TENM3: variants seen among roughly 807,000 people sequenced by gnomAD.
The protein encoded by TENM3 is teneurin transmembrane protein 3.
Under a neutral mutation model 255.1 loss-of-function variants are expected in TENM3, and 63 were observed. The observed-to-expected ratio is 0.25, with a 90% confidence interval of 0.20 to 0.30. The LOEUF (loss-of-function observed/expected upper bound fraction) is 0.30. Among genes scored for constraint, TENM3 ranks in the 10% least tolerant of loss-of-function variants. TENM3 has a pLI of 1.00. For missense variants in TENM3, 2,929 were observed against 3,461.1 expected, an observed-to-expected ratio of 0.85 and a Z score of 3.86; for synonymous variants, 1,306 against 1,322.3, an observed-to-expected ratio of 0.99 and a Z score of 0.27.
At chr4:182,726,959 A>C (rs1760247098) in intron 13 of TENM3, among the ~76,000 whole-genome samples, 1 of 152,092 alleles carries the variant, frequency 6.6e-6, no homozygotes, top group South Asian at 2.1e-4. Context: ...AAAAGACTTT[A>C]TTTTAATTGT....
chr4:182,594,188 AT>A (rs796205384), intron 3 of TENM3, among the ~76,000 whole-genome samples: 1 of 151,664 alleles, frequency 6.6e-6, no homozygotes, highest in African/African-American at 2.4e-5. Context: ...TTTGATTTTT[AT>A]TTTTTTTAGA....
the TENM3 span, among the ~76,000 whole-genome samples, chr4:181,901,360 CA>C: frequency 6.6e-6 from 1 of 152,108 alleles, no homozygotes; most frequent in Non-Finnish European, 1.5e-5. Context: ...AAAACCCAAC[CA>C]AAACCAAGCC....
intron 12 of TENM3, among the ~76,000 whole-genome samples, chr4:182,694,751 G>A (rs945445527): frequency 2.0e-5 from 3 of 152,172 alleles, no homozygotes; most frequent in Non-Finnish European, 2.9e-5. Context: ...TTGGGATGCC[G>A]AAGGTTAGAA....
chr4:182,071,137 A>G, the TENM3 span, among the ~76,000 whole-genome samples: 1 of 152,192 alleles, frequency 6.6e-6, no homozygotes, highest in Non-Finnish European at 1.5e-5. Flanking sequence ...CAGGAAGAGC[A>G]TACTATTTCA....
chr4:182,198,913 A>C (rs1753998541), intron 1 of TENM3, among the ~76,000 whole-genome samples: 1 of 152,224 alleles, frequency 6.6e-6, no homozygotes, highest in Non-Finnish European at 1.5e-5. Flanking sequence ...CCATAGAAGA[A>C]GACAAAGTCA....
chr4:181,542,826 G>A, the TENM3 span, among the ~76,000 whole-genome samples: 1 of 151,642 alleles, frequency 6.6e-6, no homozygotes, highest in African/African-American at 2.4e-5. Context: ...GCATGTTAGA[G>A]TTGGGGTGAG....
At chr4:182,622,385 G>T (rs960616024) in intron 4 of TENM3, among the ~76,000 whole-genome samples, 1 of 152,118 alleles carries the variant, frequency 6.6e-6, no homozygotes, top group African/African-American at 2.4e-5. Context: ...AGCAACTCAA[G>T]CCCTTGCCAA....
rs1295826099 is a variant in TENM3, at chr4:182,451,396, C to CT, written c.511+104472dup. 7.9e-5 allele frequency among the ~76,000 whole-genome samples: 12 copies of CT among 152,202 alleles called. No individual in the cohort carries two copies. In the East Asian group the frequency reaches 2.1e-3, roughly 27 times the overall value. On this transcript the variant is annotated intron_variant, in intron 3 of 27. Coordinates refer to ENST00000511685, the MANE Select transcript of TENM3 (RefSeq NM_001080477.4). ...CCTTGTCTAAACATTTAAACTAAAG[C>CT]TTTTTGTGGCTTCTATTTACTGTTA...
At chr4:181,647,348 T>G in the TENM3 span, among the ~76,000 whole-genome samples, 1 of 152,304 alleles carries the variant, frequency 6.6e-6, no homozygotes, top group East Asian at 1.9e-4. Flanking sequence ...AAAACAAAGA[T>G]AGAGGCATCA....
At chr4:181,668,600 G>A in the TENM3 span, among the ~76,000 whole-genome samples, 25 of 152,000 alleles carry the variant, frequency 1.6e-4, no homozygotes. Context: ...GTGCCCAAAT[G>A]TCCCCTTTTT....
At chr4:182,332,699 A>G (rs1163984767) in intron 2 of TENM3, among the ~76,000 whole-genome samples, 1 of 150,782 alleles carries the variant, frequency 6.6e-6, no homozygotes, top group Admixed American at 6.6e-5. Context: ...ATCTCAAAAA[A>G]AGAAAAAAGA....
chr4:182,635,541 A>G (rs547760533), intron 5 of TENM3, among the ~76,000 whole-genome samples: 19 of 152,328 alleles, frequency 1.2e-4, no homozygotes, highest in South Asian at 4.1e-4. Context: ...CCCAATGAAA[A>G]CAAATAACTC....
chr4:181,579,020 A>G, the TENM3 span, among the ~76,000 whole-genome samples: 1 of 152,082 alleles, frequency 6.6e-6, no homozygotes, highest in Non-Finnish European at 1.5e-5. Context: ...GACAGCGCTC[A>G]TGAGAAAAGC....
In TENM3 at chr4:182,611,779, C is replaced by A. The variant is rs368764201; in HGVS notation, c.749+10618C>A. Among the ~76,000 whole-genome samples the A allele has an allele frequency of 7.9e-5, 12 of 152,284 alleles. No homozygotes were observed. In the East Asian group the frequency reaches 1.7e-3, roughly 22 times the overall value. Reference sequence around the variant, plus strand: ...CTGTCTTTATCATTCTTGAACACTTCCTCTACTTGGAGGGACAGATTATTA... The same window carrying A: ...CTGTCTTTATCATTCTTGAACACTTACTCTACTTGGAGGGACAGATTATTA... On this transcript the variant is annotated intron_variant, in intron 4 of 27. Transcript: ENST00000511685.
chr4:182,162,474 C>T (rs1183397841), intron 1 of TENM3, among the ~76,000 whole-genome samples: 1 of 152,126 alleles, frequency 6.6e-6, no homozygotes, highest in Non-Finnish European at 1.5e-5. Context: ...GCACTCGGAA[C>T]TCAAGGAAGA....
chr4:182,357,926 T>C (rs1481942475), intron 3 of TENM3, among the ~76,000 whole-genome samples: 2 of 151,502 alleles, frequency 1.3e-5, no homozygotes, highest in African/African-American at 4.8e-5. Flanking sequence ...AGTTTCAGCT[T>C]TCTACATATG....
At chr4:182,420,832 A>G (rs1770779956) in intron 3 of TENM3, among the ~76,000 whole-genome samples, 1 of 152,188 alleles carries the variant, frequency 6.6e-6, no homozygotes, top group South Asian at 2.1e-4. Flanking sequence ...TCTGTTTTTT[A>G]TTTGACGCAC....
the TENM3 span, among the ~76,000 whole-genome samples, chr4:181,578,794 A>G: frequency 0.011 from 1,600 of 152,138 alleles, 30 homozygotes; most frequent in African/African-American, 0.036. Context: ...TCTTATAAGG[A>G]CACCAGTTAT....
chr4:182,151,671 AC>A (rs1329188862), intron 1 of TENM3, among the ~76,000 whole-genome samples: 1 of 152,072 alleles, frequency 6.6e-6, no homozygotes, highest in Non-Finnish European at 1.5e-5. Context: ...GAGCAAAAAA[AC>A]AAAACAAAAC....
Sources: allele counts gnomAD v4.1 joint callset (sites outside exome capture counted in the v4.1 genomes callset), GRCh38; gene constraint gnomAD v4.1.1; transcripts MANE v1.5; gene names NCBI Gene and HGNC (gene_info 2026-07-23, HGNC 2026-07-21).